The following CORO6 variants were observed in gnomAD, a reference collection of about 807,000 sequenced individuals.
The protein encoded by CORO6 is coronin-6.
In CORO6, 43 loss-of-function variants were observed where a neutral mutation model predicts 49.0. The observed-to-expected ratio is 0.88, with a 90% CI of 0.69 to 1.13. The LOEUF is 1.13. Among genes scored for constraint, CORO6 ranks in the 50% most tolerant of loss-of-function variants. CORO6 has a pLI of 0.00. For missense variants in CORO6, 650 were observed against 647.0 expected (o/e 1.00, Z -0.05); for synonymous variants, 233 against 256.5 (o/e 0.91, Z 0.88).
In CORO6 at chr17:29,615,812, G is replaced by T. The variant is rs777178326; in HGVS notation, c.1339C>A (p.Arg447Ser). 6.4e-7 allele frequency: 1 copy of T among 1,574,132 alleles called. No individual in the cohort carries two copies. The highest frequency in any genetic ancestry group is 1.2e-5 in the South Asian group (1 of 86,160). ...TGCTCCTGGGCCTGCACCCGCTCGC[G>T]GAGGGCCTTGATCTCTTCCAGCAGC... ...ETLLEEIKAL[R>S]ERVQAQEQRI... is the part of the protein sequence containing the mutation. The change falls in exon 11 of 11, where the codon CGC becomes AGC. Residue 447 changes from arginine (R) to serine (S), a missense_variant. By Grantham distance (110) the Arg-to-Ser change is moderately radical. Transcript: ENST00000388767.
In CORO6 at chr17:29,618,913, C is replaced by G. The variant is rs368961234; in HGVS notation, c.510G>C (p.Leu170=). ...GGATGACGTCTGGGTGCATATCATC[C>G]AGGCTCAGCAGCACCTCCCCGGTGC... is the stretch of plus-strand genomic sequence containing the variant. ...NVGTGEVLLS[L]DDMHPDVIHS... Residue 170 remains leucine (L), a synonymous_variant, in exon 5 of 11, where the codon CTG becomes CTC. Transcript: ENST00000388767. The G allele has an allele frequency of 6.2e-7, 1 of 1,613,836 alleles. No individual in the cohort carries two copies. The highest frequency in any genetic ancestry group is 8.5e-7 in the Non-Finnish European group (1 of 1,180,034).
In CORO6 at chr17:29,616,163, G is replaced by A. The variant is rs1319540032; in HGVS notation, c.1075C>T (p.Gln359Ter). The A allele has an allele frequency of 1.9e-6, 3 of 1,613,270 alleles. No homozygotes were observed. In the South Asian group the frequency reaches 3.3e-5, roughly 18 times the overall value. Residue 359 changes from glutamine (Q) to a stop codon, truncating the protein, a stop_gained, in exon 10 of 11, where the codon CAG becomes TAG. Transcript: ENST00000388767. LOFTEE classifies it high-confidence loss of function. The surrounding 1 kb of genome is among the most constrained non-coding windows in gnomAD (Gnocchi z 5.6). ...MTVPRKSDLF[Q>*]DDLYPDTPGP... ...GGCGTATCCGGGTACAGATCGTCCTGGAAGAGGTCTGACTGCGGGGGTGGG... is the reference window on the plus strand; with the variant it reads ...GGCGTATCCGGGTACAGATCGTCCTAGAAGAGGTCTGACTGCGGGGGTGGG...
Position 29,616,427 on chromosome 17 carries a change from C to T in CORO6, c.1005-91G>A. ...CAAGGGGGTTGGAGGCCAACACTTG[C>T]TCAGCGCCTACCATGCATATTGCAC... On this transcript the variant is annotated intron_variant, in intron 8 of 10. Coordinates refer to ENST00000388767, the MANE Select transcript of CORO6 (RefSeq NM_032854.4). This position sits in a 1 kb window ranked among gnomAD's most constrained non-coding sequence, Gnocchi z 5.6. The T allele has an allele frequency of 7.9e-7, 1 of 1,269,676 alleles. No homozygotes were observed. Among genetic ancestry groups the T allele is most frequent in the South Asian group, 1.3e-5 (1 of 76,260 alleles). 78.7% of individuals were successfully genotyped at this position (1,269,676 alleles called of 1,614,324 possible).
In CORO6 at chr17:29,616,290, C is replaced by T. The variant is rs778358180; in HGVS notation, c.1051G>A (p.Val351Met). 6.2e-7 allele frequency: 1 copy of T among 1,611,298 alleles called. No homozygotes were observed. ...ERKCEPIIMT[V>M]PRKSDLFQDD... ...TCCCGGCCCCTCACCTTGCGGGGCA[C>T]AGTCATGATGATAGGTTCACACTTT... The change falls in exon 9 of 11, where the codon GTG becomes ATG. Residue 351 changes from valine (V) to methionine (M), a missense_variant. Physicochemically the swap from Val to Met is conservative, Grantham distance 21 (BLOSUM62 1). Transcript: ENST00000388767. This position sits in a 1 kb window ranked among gnomAD's most constrained non-coding sequence, Gnocchi z 5.6.
chr17:29,617,301 G>C lies in CORO6; in HGVS notation c.753+199C>G, dbSNP rs535541264. 94 of 1,527,990 alleles carry C rather than the reference G, an allele frequency of 6.2e-5. No individual in the cohort carries two copies. In the African/African-American group the frequency reaches 7.8e-4, roughly 13 times the overall value. 94.7% of individuals were successfully genotyped at this position (1,527,990 alleles called of 1,614,324 possible). A position where few individuals can be genotyped will look rare whatever the true frequency, so the allele number is the denominator to read the frequency against. On this transcript the variant is annotated intron_variant, in intron 6 of 10. Coordinates refer to ENST00000388767, the MANE Select transcript of CORO6 (RefSeq NM_032854.4). Reference sequence around the variant, plus strand: ...CCCCAGGGACTCGGCATCACCAGGTGGGGGCGCCAGCGCAGGATCCTTCAC... The same window carrying C: ...CCCCAGGGACTCGGCATCACCAGGTCGGGGCGCCAGCGCAGGATCCTTCAC...
rs1305612801 is a variant in CORO6, at chr17:29,615,792, C to T, written c.1359G>A (p.Gln453=). Reference sequence around the variant, plus strand: ...TCTCCAGAGCCGTGATGCGCTGCTCCTGGGCCTGCACCCGCTCGCGGAGGG... The same window carrying T: ...TCTCCAGAGCCGTGATGCGCTGCTCTTGGGCCTGCACCCGCTCGCGGAGGG... ...IKALRERVQA[Q]EQRITALENM... Residue 453 remains glutamine (Q), a synonymous_variant, in exon 11 of 11, where the codon CAG becomes CAA. Transcript: ENST00000388767. The T allele has an allele frequency of 6.4e-7, 1 of 1,563,756 alleles. No individual in the cohort carries two copies. The highest frequency in any genetic ancestry group is 2.4e-5 in the East Asian group (1 of 42,158).
Position 29,616,084 on chromosome 17 carries a change from T to G in CORO6, c.1154A>C (p.Glu385Ala). 1.2e-6 allele frequency: 2 copies of G among 1,613,016 alleles called. No individual in the cohort carries two copies. The highest frequency in any genetic ancestry group is 1.7e-6 in the Non-Finnish European group (2 of 1,180,012). Reference sequence around the variant, plus strand: ...GTCCCTCAGCGAAATGAGCACGGGTTCGGCGTCCTGGCCGGATAGCCATTC... The same window carrying G: ...GTCCCTCAGCGAAATGAGCACGGGTGCGGCGTCCTGGCCGGATAGCCATTC... The part of the protein sequence containing the change: ...ADEWLSGQDA[E>A]PVLISLRDGY... The change falls in exon 10 of 11, where the codon GAA (glutamate) becomes GCA (alanine). Residue 385 changes from glutamate to alanine, a missense_variant. By Grantham distance (107) the Glu-to-Ala change is moderately radical. Transcript: ENST00000388767. This position sits in a 1 kb window ranked among gnomAD's most constrained non-coding sequence, Gnocchi z 5.6.
chr17:29,616,831 C>T lies in CORO6; in HGVS notation c.875G>A (p.Arg292Gln), dbSNP rs944095160. Reference sequence around the variant, plus strand: ...CGGCTCGTCGGTAATCTCAAAGTACCGAATGCTGCTGTCGCCCTGCAAAAT... The same window carrying T: ...CGGCTCGTCGGTAATCTCAAAGTACTGAATGCTGCTGTCGCCCTGCAAAAT... ...YLCGKGDSSIRYFEITDEPPF... is the reference protein window; with the variant it reads ...YLCGKGDSSIQYFEITDEPPF... Residue 292 changes from arginine (R) to glutamine (Q), a missense_variant, in exon 8 of 11, where the codon CGG becomes CAG. Coordinates refer to ENST00000388767, the MANE Select transcript of CORO6 (RefSeq NM_032854.4). This position sits in a 1 kb window ranked among gnomAD's most constrained non-coding sequence, Gnocchi z 5.6. 3 of 1,613,352 alleles carry T rather than the reference C, an allele frequency of 1.9e-6. No homozygotes were observed. Among genetic ancestry groups the T allele is most frequent in the Non-Finnish European group, 2.5e-6 (3 of 1,179,764 alleles).
Position 29,615,560 on chromosome 17 carries a change from T to C in CORO6, c.*172A>G, listed in dbSNP as rs1018493455. 1.5e-6 allele frequency: 1 copy of C among 661,324 alleles called. No individual in the cohort carries two copies. The highest frequency in any genetic ancestry group is 3.6e-5 in the Admixed American group (1 of 27,696). 41.0% of individuals were successfully genotyped at this position (661,324 alleles called of 1,614,324 possible). ...CAGTCCAGCCTCCGCTGGAGCGACG[T>C]GGGTCTCCCCTAAGCTCCAAGAGTT... On this transcript the variant is annotated 3_prime_UTR_variant, in exon 11 of 11. Transcript: ENST00000388767.
rs1200739988 is a variant in CORO6 at position 29,616,812 on chromosome 17, G to T, written c.894C>A (p.Asp298Glu). The T allele has an allele frequency of 1.2e-6, 2 of 1,613,636 alleles. No homozygotes were observed. The highest frequency in any genetic ancestry group is 1.7e-6 in the Non-Finnish European group (2 of 1,179,950). The change falls in exon 8 of 11, where the codon GAC (aspartate) becomes GAA (glutamate). Residue 298 changes from aspartate (D) to glutamate (E), a missense_variant. By Grantham distance (45) the Asp-to-Glu change is conservative (BLOSUM62 2). Coordinates refer to ENST00000388767, the MANE Select transcript of CORO6 (RefSeq NM_032854.4). The surrounding 1 kb of genome is among the most constrained non-coding windows in gnomAD (Gnocchi z 5.6). ...TCAGGTAGTGCACGAAAGGCGGCTC[G>T]TCGGTAATCTCAAAGTACCGAATGC... ...DSSIRYFEIT[D>E]EPPFVHYLNT... is the part of the protein sequence containing the mutation.
In CORO6 at chr17:29,615,998, G is replaced by A; in HGVS notation, c.1240C>T (p.Arg414Cys). The part of the protein sequence containing the change: ...RVTKRNILDV[R>C]PPSGPRRSQS... ...CTGCGGCGGGGGCCGGAGGGCGGGCGCACGTCCAGGATGTTGCGCTTCGTG... is the reference window on the plus strand; with the variant it reads ...CTGCGGCGGGGGCCGGAGGGCGGGCACACGTCCAGGATGTTGCGCTTCGTG... Residue 414 changes from arginine (R) to cysteine (C), a missense_variant, in exon 10 of 11, where the codon CGC becomes TGC. By Grantham distance (180) the Arg-to-Cys change is radical (BLOSUM62 -3). Coordinates refer to ENST00000388767, the MANE Select transcript of CORO6 (RefSeq NM_032854.4). 1 of 1,588,358 alleles carries A rather than the reference G, an allele frequency of 6.3e-7. No homozygotes were observed. Among genetic ancestry groups the A allele is most frequent in the Non-Finnish European group, 8.6e-7 (1 of 1,165,638 alleles).
chr17:29,617,743 C>A, intron 5 of CORO6, 124 bp from the exon 6 acceptor site: 2 of 1,055,924 alleles, frequency 1.9e-6, no homozygotes, highest in Non-Finnish European at 2.7e-6. Flanking sequence ...GGGGAAGAGA[C>A]AAATGGGGCC....
At position 29,619,772 on chromosome 17, in the gene CORO6, G is replaced by C; in HGVS notation, c.200C>G (p.Thr67Arg). Residue 67 changes from threonine to arginine, a missense_variant and splice_region_variant, in exon 3 of 11, where the codon ACA becomes AGA. Physicochemically the swap from Thr to Arg is moderately conservative, Grantham distance 71. Transcript: ENST00000388767. ...TGGGTAGTTCTTATCCACTCGCCCTGTCTGAGGGGTTGGAGAAGAAGATGT... is the reference window on the plus strand; with the variant it reads ...TGGGTAGTTCTTATCCACTCGCCCTCTCTGAGGGGTTGGAGAAGAAGATGT... ...GAFIVLPLAKTGRVDKNYPLV... is the reference protein window; with the variant it reads ...GAFIVLPLAKRGRVDKNYPLV... The C allele has an allele frequency of 6.2e-7, 1 of 1,606,398 alleles. No individual in the cohort carries two copies. The highest frequency in any genetic ancestry group is 8.5e-7 in the Non-Finnish European group (1 of 1,173,500).
intron 1 of CORO6, chr17:29,622,330 C>T (rs1464484743): frequency 2.6e-5 from 4 of 155,054 alleles, no homozygotes; most frequent in Non-Finnish European, 5.7e-5. Context: ...GCCTTTTCTC[C>T]AGCTAGGGTC....
At chr17:29,618,538 A>AGGAGC in intron 5 of CORO6, 1 of 1,357,184 alleles carries the variant, frequency 7.4e-7, no homozygotes, top group South Asian at 1.9e-5. Flanking sequence ...TCCCAAAGCG[A>AGGAGC]GGAGCCCTTC....
At position 29,616,781 on chromosome 17, in the gene CORO6, A is replaced by G. The variant is rs1248584728; in HGVS notation, c.925T>C (p.Phe309Leu). The change falls in exon 8 of 11, where the codon TTC (phenylalanine) becomes CTC (leucine). Residue 309 changes from phenylalanine (F) to leucine (L), a missense_variant. Physicochemically the swap from Phe to Leu is conservative, Grantham distance 22. Coordinates refer to ENST00000388767, the MANE Select transcript of CORO6 (RefSeq NM_032854.4). This position sits in a 1 kb window ranked among gnomAD's most constrained non-coding sequence, Gnocchi z 5.6. ...CCCCGCTGCGGCTCTTTGCTGCTGA[A>G]CGTGTTCAGGTAGTGCACGAAAGGC... ...EPPFVHYLNT[F>L]SSKEPQRGMG... 2 of 1,613,724 alleles carry G rather than the reference A, an allele frequency of 1.2e-6. No individual in the cohort carries two copies. Among genetic ancestry groups the G allele is most frequent in the Non-Finnish European group, 8.5e-7 (1 of 1,179,982 alleles).
Position 29,621,438 on chromosome 17 carries a change from G to T in CORO6, c.-17C>A. Reference sequence around the variant, plus strand: ...TCTGCTCATAGCTGCAGGCAGAGAGGTAGGATCTCAGTGCCCAGAAATGCC... The same window carrying T: ...TCTGCTCATAGCTGCAGGCAGAGAGTTAGGATCTCAGTGCCCAGAAATGCC... On this transcript the variant is annotated 5_prime_UTR_variant, in exon 2 of 11. An upstream open reading frame in the 5' UTR gains an earlier in-frame stop. Coordinates refer to ENST00000388767, the MANE Select transcript of CORO6 (RefSeq NM_032854.4). The surrounding 1 kb of genome is among the most constrained non-coding windows in gnomAD (Gnocchi z 4.2). 6.3e-7 allele frequency: 1 copy of T among 1,589,130 alleles called. No individual in the cohort carries two copies. Among genetic ancestry groups the T allele is most frequent in the Non-Finnish European group, 8.6e-7 (1 of 1,166,932 alleles).
At chr17:29,617,825 G>A (rs965695935) in intron 5 of CORO6, 13 of 689,536 alleles carry the variant, frequency 1.9e-5, no homozygotes, top group Admixed American at 3.2e-5. Flanking sequence ...GAGAGAGCAG[G>A]AGGCACGCGG....
At position 29,616,816 on chromosome 17, in the gene CORO6, G is replaced by A. The variant is rs1165944824; in HGVS notation, c.890C>T (p.Thr297Ile). The A allele has an allele frequency of 1.2e-6, 2 of 1,613,756 alleles. No homozygotes were observed. The highest frequency in any genetic ancestry group is 2.7e-5 in the African/African-American group (2 of 75,024). ...GDSSIRYFEI[T>I]DEPPFVHYLN... The stretch of plus-strand genomic sequence containing the variant: ...GTAGTGCACGAAAGGCGGCTCGTCG[G>A]TAATCTCAAAGTACCGAATGCTGCT... The change falls in exon 8 of 11, where the codon ACC (threonine) becomes ATC (isoleucine). Residue 297 changes from threonine (T) to isoleucine (I), a missense_variant. By Grantham distance (89) the Thr-to-Ile change is moderately conservative. Coordinates refer to ENST00000388767, the MANE Select transcript of CORO6 (RefSeq NM_032854.4). The surrounding 1 kb of genome is among the most constrained non-coding windows in gnomAD (Gnocchi z 5.6).
Sources: allele counts gnomAD v4.1 joint callset, GRCh38; gene constraint gnomAD v4.1.1; non-coding constraint Gnocchi (gnomAD v3.1); transcripts MANE v1.5; gene names NCBI Gene and HGNC (gene_info 2026-07-23, HGNC 2026-07-21).